The following PLEKHA7 variants were observed in gnomAD, a reference collection of about 807,000 sequenced individuals.
The protein encoded by PLEKHA7 is pleckstrin homology domain-containing family A member 7.
Under a neutral mutation model 170.0 loss-of-function variants are expected in PLEKHA7, and 104 were observed. The observed-to-expected ratio is 0.61, with a 90% confidence interval of 0.52 to 0.72. PLEKHA7 has a LOEUF of 0.72. PLEKHA7 is among the 30% of genes least tolerant of loss of function. PLEKHA7 has a pLI of 0.00. For missense variants in PLEKHA7, 1,615 were observed against 1,671.7 expected, an observed-to-expected ratio of 0.97 and a Z score of 0.59; for synonymous variants, 648 against 660.8, an observed-to-expected ratio of 0.98 and a Z score of 0.30.
intron 3 of PLEKHA7, among the ~76,000 whole-genome samples, chr11:16,895,037 A>G (rs1343385589): frequency 1.3e-5 from 2 of 152,210 alleles, no homozygotes; most frequent in Non-Finnish European, 2.9e-5. Context: ...GAACAGAGCC[A>G]GGATTCAAAT....
At chr11:16,869,987 G>A (rs984780466) in intron 4 of PLEKHA7, among the ~76,000 whole-genome samples, 1 of 152,210 alleles carries the variant, frequency 6.6e-6, no homozygotes, top group Non-Finnish European at 1.5e-5. Flanking sequence ...TGTCTCAGAT[G>A]AATGGAAGGG....
At chr11:16,897,759 T>C (rs1394539125) in intron 3 of PLEKHA7, among the ~76,000 whole-genome samples, 1 of 152,222 alleles carries the variant, frequency 6.6e-6, no homozygotes, top group African/African-American at 2.4e-5. Flanking sequence ...TCAGACTTTA[T>C]GACTCTAACT....
At position 16,783,682 on chromosome 11, in the gene PLEKHA7, G is replaced by C; in HGVS notation, c.3650+18C>G. On this transcript the variant is annotated intron_variant, in intron 25 of 26. Transcript: ENST00000531066. ...GGGTCAGGGTGACCTGCCAACACTT[G>C]AGCAAGCGAGGGCTGACCTTGACCG... 2.9e-6 allele frequency: 4 copies of C among 1,401,212 alleles called. No individual in the cohort carries two copies. Among genetic ancestry groups the C allele is most frequent in the Non-Finnish European group, 3.7e-6 (4 of 1,075,732 alleles). The allele number at this position is 1,401,212 out of a possible 1,614,324, so 86.8% of individuals were successfully genotyped here.
At chr11:16,975,646 A>G (rs145363481) in intron 3 of PLEKHA7, among the ~76,000 whole-genome samples, 1 of 152,176 alleles carries the variant, frequency 6.6e-6, no homozygotes, top group South Asian at 2.1e-4. Flanking sequence ...GAGAAAATAC[A>G]AAACTATATA....
chr11:17,013,744 G>A (rs564472214), intron 3 of PLEKHA7, among the ~76,000 whole-genome samples: 227 of 152,202 alleles, frequency 1.5e-3, no homozygotes, highest in Non-Finnish European at 3.0e-3. Context: ...CAAGGTCCAG[G>A]GCGCAGAGTC....
intron 24 of PLEKHA7, among the ~76,000 whole-genome samples, chr11:16,784,393 G>A (rs1295854375): frequency 3.3e-5 from 5 of 152,172 alleles, no homozygotes. Flanking sequence ...CTCCCTGAAT[G>A]GATGGATAAT....
chr11:16,902,785 A>G (rs758878444), intron 3 of PLEKHA7, among the ~76,000 whole-genome samples: 2 of 152,226 alleles, frequency 1.3e-5, no homozygotes, highest in Non-Finnish European at 2.9e-5. Flanking sequence ...ATGTAGAGAT[A>G]ATATTAACTA....
chr11:16,807,230 C>T, intron 13 of PLEKHA7: 2 of 982,302 alleles, frequency 2.0e-6, no homozygotes, highest in South Asian at 9.4e-5. Flanking sequence ...TTAATCTGTT[C>T]CAAACAAAAA....
intron 4 of PLEKHA7, among the ~76,000 whole-genome samples, chr11:16,862,620 G>A (rs1293480092): frequency 2.6e-5 from 4 of 152,158 alleles, no homozygotes; most frequent in African/African-American, 9.7e-5. Context: ...GCCCAGCACA[G>A]ACAGAGCCAA....
At chr11:16,782,110 GAC>G (rs1298279286) in intron 26 of PLEKHA7, among the ~76,000 whole-genome samples, 2 of 150,418 alleles carry the variant, frequency 1.3e-5, no homozygotes, top group Non-Finnish European at 3.0e-5. Context: ...CACACACACA[GAC>G]ACACAGACAC....
At chr11:16,990,581 C>T (rs1863988067) in intron 3 of PLEKHA7, among the ~76,000 whole-genome samples, 1 of 152,226 alleles carries the variant, frequency 6.6e-6, no homozygotes, top group African/African-American at 2.4e-5. Context: ...TTCCCCATCC[C>T]ATCAAATGGG....
intron 25 of PLEKHA7, 47 bp from the exon 26 acceptor site, chr11:16,782,943 G>A: frequency 1.3e-6 from 2 of 1,522,854 alleles, no homozygotes; most frequent in Non-Finnish European, 1.8e-6. Context: ...GCCCTGGGTA[G>A]CAGCCTCAGG....
chr11:16,944,349 C>G (rs925839371), intron 3 of PLEKHA7, among the ~76,000 whole-genome samples: 3 of 144,960 alleles, frequency 2.1e-5, no homozygotes, highest in African/African-American at 7.7e-5. Context: ...AGCAAAACTC[C>G]GTCTCCCAAA....
chr11:16,928,830 C>T (rs1002481122), intron 3 of PLEKHA7, among the ~76,000 whole-genome samples: 1 of 151,996 alleles, frequency 6.6e-6, no homozygotes. Context: ...GTTTAGGGTA[C>T]ATTTGACTTT....
chr11:16,892,821 T>G (rs7931313), intron 3 of PLEKHA7, among the ~76,000 whole-genome samples: 24,451 of 151,986 alleles, frequency 0.16, 2,107 homozygotes, highest in African/African-American at 0.21. Flanking sequence ...TTTGTTTTAT[T>G]TATTTAATAA....
At chr11:16,917,385 T>C (rs1010263024) in intron 3 of PLEKHA7, among the ~76,000 whole-genome samples, 3 of 152,024 alleles carry the variant, frequency 2.0e-5, no homozygotes, top group African/African-American at 7.2e-5. Context: ...TAGGTACTTA[T>C]AACAACACAA....
rs1590350873 is a variant in PLEKHA7 at position 16,854,997 on chromosome 11, T to C, written c.418-4A>G. 4 of 1,613,046 alleles carry C rather than the reference T, an allele frequency of 2.5e-6. No homozygotes were observed. The highest frequency in any genetic ancestry group is 2.5e-6 in the Non-Finnish European group (3 of 1,179,094). ...CTTTACTGCTGGACTTTATGATCTA[T>C]GAAAAAGCAGACTGAACTTTAGCAA... On this transcript the variant is annotated splice_region_variant and splice_polypyrimidine_tract_variant and intron_variant, in intron 5 of 26. Coordinates refer to ENST00000531066, the MANE Select transcript of PLEKHA7 (RefSeq NM_001329630.2).
chr11:17,014,147 G>A lies in PLEKHA7; in HGVS notation c.141C>T (p.Asn47=). The part of the protein sequence containing the change: ...WLHPRTGEPV[N]SGHMIRSDLP... Reference sequence around the variant, plus strand: ...CACCTGAGCGGATCATGTGGCCCGAGTTGACGGGCTCCCCGGTGCGCGGAT... The same window carrying A: ...CACCTGAGCGGATCATGTGGCCCGAATTGACGGGCTCCCCGGTGCGCGGAT... The change falls in exon 2 of 27, where the codon AAC becomes AAT. Residue 47 remains asparagine, a synonymous_variant. Transcript: ENST00000531066. 6.2e-7 allele frequency: 1 copy of A among 1,601,986 alleles called. No homozygotes were observed. Among genetic ancestry groups the A allele is most frequent in the Non-Finnish European group, 8.5e-7 (1 of 1,175,698 alleles).
intron 11 of PLEKHA7, 61 bp downstream of exon 11, chr11:16,816,739 G>A (rs1349473314): frequency 6.4e-7 from 1 of 1,572,352 alleles, no homozygotes; most frequent in African/African-American, 1.4e-5. Context: ...GTTCAAACCA[G>A]GCAAAGCTCC....
Sources: gnomAD v4.1 joint callset for allele counts (sites outside exome capture counted in the v4.1 genomes callset) on GRCh38, gnomAD v4.1.1 for gene constraint, MANE v1.5 for transcripts, NCBI Gene and HGNC (gene_info 2026-07-23, HGNC 2026-07-21) for gene names.